ABLIM1: variants seen among roughly 807,000 people sequenced by gnomAD.
The protein encoded by ABLIM1 is actin-binding LIM protein 1.
ABLIM1 carries 40 observed loss-of-function variants against 107.0 expected under a neutral mutation model. The ratio of observed to expected loss-of-function variants is 0.37; its 90% confidence interval spans 0.29 to 0.49. The LOEUF (loss-of-function observed/expected upper bound fraction) is 0.49. Among genes scored for constraint, ABLIM1 ranks in the 20% least tolerant of loss-of-function variants. The pLI is 0.97. For missense variants in ABLIM1, 857 were observed against 1,008.5 expected (o/e 0.85, Z 2.04); for synonymous variants, 357 against 357.3 (o/e 1.00, Z 0.01).
chr10:114,478,990 T>C (rs184633252), intron 8 of ABLIM1, among the ~76,000 whole-genome samples: 259 of 152,338 alleles, frequency 1.7e-3, no homozygotes, highest in African/African-American at 5.5e-3. Context: ...TGTAATACAG[T>C]GGACTTAAAA....
At chr10:114,614,159 C>T (rs1591593383) in intron 1 of ABLIM1, among the ~76,000 whole-genome samples, 2 of 152,236 alleles carry the variant, frequency 1.3e-5, no homozygotes, top group East Asian at 3.9e-4. Context: ...CCTTCCAACA[C>T]TTGGAAAGTA....
Position 114,488,010 on chromosome 10 carries a change from G to A in ABLIM1, c.989C>T (p.Thr330Ile). 1 of 1,614,144 alleles carries A rather than the reference G, an allele frequency of 6.2e-7. No individual in the cohort carries two copies. Among genetic ancestry groups the A allele is most frequent in the Non-Finnish European group, 8.5e-7 (1 of 1,180,016 alleles). Residue 330 changes from threonine (T) to isoleucine (I), a missense_variant, in exon 8 of 23, where the codon ACC becomes ATC. Thr to Ile is a moderately conservative substitution (Grantham distance 89, BLOSUM62 -1). Around this residue, in one of 5 missense-constraint regions of ABLIM1, gnomAD observed 381 missense variants for 506.9 expected, o/e 0.75. Transcript: ENST00000533213. ...TTGCTTACAGTCGGGATGCCAAACGGTGGAGCCTGAGAAGACAGAATGCAC... is the reference window on the plus strand; with the variant it reads ...TTGCTTACAGTCGGGATGCCAAACGATGGAGCCTGAGAAGACAGAATGCAC... ...EGEEMYLQGS[T>I]VWHPDCKQST...
chr10:114,704,988 T>C (rs1279732996), intron 1 of ABLIM1, among the ~76,000 whole-genome samples: 1 of 152,120 alleles, frequency 6.6e-6, no homozygotes, highest in East Asian at 1.9e-4. Flanking sequence ...TCCAAACCCA[T>C]GGCTGTGCCT....
intron 12 of ABLIM1, among the ~76,000 whole-genome samples, chr10:114,464,184 A>ATT (rs1222001152): frequency 1.7e-3 from 222 of 131,358 alleles, no homozygotes; most frequent in African/African-American, 4.9e-3. Context: ...AGCATAAAGG[A>ATT]TTTTTTTTTT....
intron 1 of ABLIM1, among the ~76,000 whole-genome samples, chr10:114,650,595 CA>C (rs58069874): frequency 2.7e-5 from 4 of 150,720 alleles, no homozygotes; most frequent in Admixed American, 1.3e-4. Context: ...ATCAATAAAA[CA>C]AAAAAAAAGC....
At chr10:114,680,137 A>G (rs2080681384) in intron 1 of ABLIM1, among the ~76,000 whole-genome samples, 1 of 139,216 alleles carries the variant, frequency 7.2e-6, no homozygotes, top group Non-Finnish European at 1.6e-5. Flanking sequence ...CAAGAATCTG[A>G]ATCTCCCAGA....
upstream of ABLIM1, among the ~76,000 whole-genome samples, chr10:114,687,688 T>C (rs2080975653): frequency 6.6e-6 from 1 of 151,808 alleles, no homozygotes; most frequent in Non-Finnish European, 1.5e-5. Context: ...GGGCTGAGAG[T>C]GAAAAATAGC....
chr10:114,767,131 A>AGC (rs2082913391), intron 1 of ABLIM1, among the ~76,000 whole-genome samples: 1 of 64,418 alleles, frequency 1.6e-5, no homozygotes, highest in South Asian at 4.2e-4. Flanking sequence ...TTAATTATCC[A>AGC]ACACGTTATC....
upstream of ABLIM1, among the ~76,000 whole-genome samples, chr10:114,771,812 G>A (rs1398636112): frequency 1.3e-5 from 2 of 152,094 alleles, no homozygotes; most frequent in Admixed American, 6.6e-5. Flanking sequence ...ATAGACCAAA[G>A]GGATGAAACA....
At chr10:114,554,595 C>G (rs2068491015) in intron 4 of ABLIM1, among the ~76,000 whole-genome samples, 1 of 152,104 alleles carries the variant, frequency 6.6e-6, no homozygotes. Flanking sequence ...ACTTTGGAGG[C>G]TGAGGTGGGA....
At chr10:114,776,159 G>C in the ABLIM1 span, 4 of 151,882 alleles carry the variant, frequency 2.6e-5, no homozygotes, top group Non-Finnish European at 5.9e-5. Context: ...ACCCATTTTT[G>C]GTGTGGGTAA....
At chr10:114,681,557 A>G (rs1245491734) in intron 1 of ABLIM1, among the ~76,000 whole-genome samples, 4 of 152,194 alleles carry the variant, frequency 2.6e-5, no homozygotes, top group African/African-American at 9.7e-5. Context: ...CCCCATGAAC[A>G]TGCTGGCATT....
chr10:114,503,551 A>C (rs1275668628), intron 6 of ABLIM1, among the ~76,000 whole-genome samples: 1 of 152,212 alleles, frequency 6.6e-6, no homozygotes, highest in African/African-American at 2.4e-5. Flanking sequence ...AGTTGTATAT[A>C]TATACATATA....
chr10:114,585,684 C>T (rs1360061565), intron 2 of ABLIM1, among the ~76,000 whole-genome samples: 1 of 152,132 alleles, frequency 6.6e-6, no homozygotes, highest in African/African-American at 2.4e-5. Flanking sequence ...AGTCAATCTC[C>T]TCAGCACCCC....
the ABLIM1 span, among the ~76,000 whole-genome samples, chr10:114,789,361 T>C: frequency 6.6e-6 from 1 of 152,018 alleles, no homozygotes; most frequent in Non-Finnish European, 1.5e-5. Flanking sequence ...CAGGAGAGGG[T>C]CCAAGCATCT....
intron 1 of ABLIM1, among the ~76,000 whole-genome samples, chr10:114,671,031 T>C (rs756538205): frequency 6.6e-6 from 1 of 152,226 alleles, no homozygotes; most frequent in Non-Finnish European, 1.5e-5. Context: ...CCAAGTCAGA[T>C]CAAGATCTAG....
intron 11 of ABLIM1, among the ~76,000 whole-genome samples, chr10:114,466,360 T>C (rs193088159): frequency 3.4e-4 from 51 of 152,222 alleles, no homozygotes; most frequent in African/African-American, 1.1e-3. Context: ...TTAATAGAGA[T>C]AGGGCTATGG....
intron 1 of ABLIM1, among the ~76,000 whole-genome samples, chr10:114,602,933 G>C (rs1026679249): frequency 1.3e-5 from 2 of 152,196 alleles, no homozygotes; most frequent in African/African-American, 2.4e-5. Flanking sequence ...AGCTCACCAA[G>C]AGTCTTCATT....
chr10:114,704,302 C>CTCTCTCTCTCTCTCTCTATATATATA (rs1380460034), intron 1 of ABLIM1, among the ~76,000 whole-genome samples: 2 of 43,056 alleles, frequency 4.6e-5, no homozygotes, highest in Non-Finnish European at 9.5e-5. Context: ...CTCTCTCTCT[C>CTCTCTCTCTCTCTCTCTATATATATA]TATATATATA....
Sources: allele counts gnomAD v4.1 joint callset (sites outside exome capture counted in the v4.1 genomes callset), GRCh38; gene constraint gnomAD v4.1.1; regional missense constraint gnomAD v4.1.1; transcripts MANE v1.5; gene names NCBI Gene and HGNC (gene_info 2026-07-23, HGNC 2026-07-21).